The following SMARCB1 variants were observed in gnomAD, a reference collection of about 807,000 sequenced individuals.
The protein encoded by SMARCB1 is SWI/SNF related BAF chromatin remodeling complex subunit B1.
In SMARCB1, 5 loss-of-function variants were observed where a neutral mutation model predicts 49.0. The ratio of observed to expected loss-of-function variants is 0.10; its 90% CI spans 0.05 to 0.21. The LOEUF is 0.21. SMARCB1 is among the 10% of genes least tolerant of loss of function. The pLI is 1.00. For missense variants in SMARCB1, 226 were observed against 509.2 expected (o/e 0.44, Z 5.35); for synonymous variants, 201 against 200.1 (o/e 1.00, Z -0.04).
At chr22:23,831,591 T>C (rs1448251478) in intron 7 of SMARCB1, among the ~76,000 whole-genome samples, 2 of 152,172 alleles carry the variant, frequency 1.3e-5, no homozygotes, top group Non-Finnish European at 2.9e-5. Flanking sequence ...CGTTCTTACA[T>C]GGTTGGTGCG....
At chr22:23,822,769 G>A (rs1374766566) in intron 6 of SMARCB1, among the ~76,000 whole-genome samples, 1 of 151,816 alleles carries the variant, frequency 6.6e-6, no homozygotes, top group Non-Finnish European at 1.5e-5. Flanking sequence ...CCACATTCCT[G>A]CTCCCTGGGC....
At chr22:23,801,111 G>A (rs765693551) in intron 4 of SMARCB1, 30 bp downstream of exon 4, 41 of 1,614,008 alleles carry the variant, frequency 2.5e-5, no homozygotes, top group Middle Eastern at 1.6e-4. Flanking sequence ...CTCACCCTCC[G>A]TGCTGATTCC....
intron 5 of SMARCB1, among the ~76,000 whole-genome samples, chr22:23,805,265 G>A (rs989913117): frequency 2.6e-5 from 4 of 152,164 alleles, no homozygotes; most frequent in African/African-American, 9.7e-5. Flanking sequence ...GAGGACACTG[G>A]CAAGAGACTC....
Position 23,787,010 on chromosome 22 carries a change from G to C in SMARCB1, c.-160G>C. 2 of 502,630 alleles carry C rather than the reference G, an allele frequency of 4.0e-6. No homozygotes were observed. The highest frequency in any genetic ancestry group is 5.3e-5 in the South Asian group (2 of 37,660). 31.1% of individuals were successfully genotyped at this position (502,630 alleles called of 1,614,324 possible). ...GGGCGGCCTGGTCGTCGTCTGCGGC[G>C]GCGGCGGCGGCTGAGGAGCCCGGCT... On this transcript the variant is annotated 5_prime_UTR_variant, in exon 1 of 9. Transcript: ENST00000644036.
intron 2 of SMARCB1, chr22:23,793,215 T>A: frequency 5.3e-6 from 2 of 379,474 alleles, no homozygotes; most frequent in South Asian, 4.5e-5. Flanking sequence ...TTCCCCTGAG[T>A]GAGGACCAAG....
Position 23,834,468 on chromosome 22 carries a change from A to G in SMARCB1, c.*288A>G. Reference sequence around the variant, plus strand: ...TTGTATAGGAGCCCCAGGCAGGGCTAGTAACAGTTTTTAAATAAAAGGCAA... The same window carrying G: ...TTGTATAGGAGCCCCAGGCAGGGCTGGTAACAGTTTTTAAATAAAAGGCAA... On this transcript the variant is annotated 3_prime_UTR_variant, in exon 9 of 9. Transcript: ENST00000644036. 1 of 671,200 alleles carries G rather than the reference A, an allele frequency of 1.5e-6. No homozygotes were observed. The highest frequency in any genetic ancestry group is 1.5e-5 in the South Asian group (1 of 66,512). 41.6% of individuals were successfully genotyped at this position (671,200 alleles called of 1,614,324 possible). A position where few individuals can be genotyped will look rare whatever the true frequency, so the allele number is the denominator to read the frequency against.
intron 5 of SMARCB1, chr22:23,804,094 C>T (rs1929344960): frequency 6.6e-6 from 1 of 151,864 alleles, no homozygotes; most frequent in Non-Finnish European, 1.5e-5. Context: ...TTTTTTAGAT[C>T]TTGTTGCATA....
intron 6 of SMARCB1, 66 bp from the exon 7 acceptor site, chr22:23,825,159 C>T: frequency 7.1e-7 from 1 of 1,417,144 alleles, no homozygotes; most frequent in Non-Finnish European, 1.0e-6. Flanking sequence ...CCTGGCAGGG[C>T]CCCGCTCCTC....
chr22:23,798,521 T>G (rs1928916388), intron 3 of SMARCB1, among the ~76,000 whole-genome samples: 1 of 152,210 alleles, frequency 6.6e-6, no homozygotes, highest in African/African-American at 2.4e-5. Context: ...CTGCCCAAGC[T>G]GATTCCATGT....
chr22:23,802,520 A>C (rs1929232135), intron 4 of SMARCB1: 1 of 147,552 alleles, frequency 6.8e-6, no homozygotes, highest in Non-Finnish European at 1.5e-5. Flanking sequence ...TAGAGTGGCC[A>C]CCCCTTTTCT....
At position 23,837,148 on chromosome 22, in the gene SMARCB1, G is replaced by A. The variant is rs752419047; in HGVS notation, c.*2968G>A. On this transcript the variant is annotated 3_prime_UTR_variant, in exon 9 of 9. Transcript: ENST00000644036. ...CAGGAAGTAGTAGATATGGCCCACC[G>A]CAATCCCTGTGAGACAGCCACGGAC... 9 of 1,613,674 alleles carry A rather than the reference G, an allele frequency of 5.6e-6. No homozygotes were observed. The highest frequency in any genetic ancestry group is 5.3e-5 in the African/African-American group (4 of 74,910).
intron 5 of SMARCB1, among the ~76,000 whole-genome samples, chr22:23,813,923 G>T (rs1006325472): frequency 6.6e-6 from 1 of 152,110 alleles, no homozygotes; most frequent in Non-Finnish European, 1.5e-5. Context: ...TCCACCTTCC[G>T]GTTTCAAGCG....
In SMARCB1 at chr22:23,835,273, G is replaced by A; in HGVS notation, c.*1093G>A. The stretch of plus-strand genomic sequence containing the variant: ...ATTCTTCAGAATGGACACAGGATCT[G>A]GGAGGGCAGCAAACTGGCTCGCAGC... On this transcript the variant is annotated 3_prime_UTR_variant, in exon 9 of 9. Transcript: ENST00000644036. The A allele has an allele frequency of 1.8e-6, 2 of 1,089,194 alleles. No individual in the cohort carries two copies. The highest frequency in any genetic ancestry group is 2.2e-6 in the Non-Finnish European group (2 of 897,070). 67.5% of individuals were successfully genotyped at this position (1,089,194 alleles called of 1,614,324 possible).
chr22:23,837,008 A>G lies in SMARCB1; in HGVS notation c.*2828A>G. 1 of 1,602,070 alleles carries G rather than the reference A, an allele frequency of 6.2e-7. No individual in the cohort carries two copies. Among genetic ancestry groups the G allele is most frequent in the Non-Finnish European group, 8.5e-7 (1 of 1,173,018 alleles). The stretch of plus-strand genomic sequence containing the variant: ...TGAGCACAGGCCAGCACAGGTCCCC[A>G]TCGGTGGGGATCCTTCTGAGGGTGG... On this transcript the variant is annotated 3_prime_UTR_variant, in exon 9 of 9. Transcript: ENST00000644036.
chr22:23,799,702 T>TTTTTTTTTTTTTTTTG (rs1929020255), intron 3 of SMARCB1, among the ~76,000 whole-genome samples: 2 of 86,936 alleles, frequency 2.3e-5, no homozygotes, highest in African/African-American at 3.7e-5. Flanking sequence ...TTTTTTTTTT[T>TTTTTTTTTTTTTTTTG]GAGACGGAGT....
chr22:23,835,050 C>G lies in SMARCB1; in HGVS notation c.*870C>G. 4 of 1,403,526 alleles carry G rather than the reference C, an allele frequency of 2.8e-6. No homozygotes were observed. The highest frequency in any genetic ancestry group is 3.7e-6 in the Non-Finnish European group (4 of 1,081,190). 86.9% of individuals were successfully genotyped at this position (1,403,526 alleles called of 1,614,324 possible). ...GGTCAGCTGGGGCCCTTTCCCACCC[C>G]AGCAGGTGCTGTGGCCTGGGCCAGC... On this transcript the variant is annotated 3_prime_UTR_variant, in exon 9 of 9. Coordinates refer to ENST00000644036, the MANE Select transcript of SMARCB1 (RefSeq NM_003073.5).
intron 4 of SMARCB1, 105 bp downstream of exon 4, chr22:23,801,186 G>C (rs746239402): frequency 6.9e-5 from 105 of 1,532,238 alleles, no homozygotes; most frequent in Admixed American, 3.5e-5. Flanking sequence ...TTGACCTTGT[G>C]CTCCCCACAA....
chr22:23,796,909 C>A (rs1370864302), intron 3 of SMARCB1, among the ~76,000 whole-genome samples: 5 of 152,144 alleles, frequency 3.3e-5, no homozygotes, highest in Non-Finnish European at 5.9e-5. Flanking sequence ...ACTTATGGCA[C>A]CCTCCCCATC....
In SMARCB1 at chr22:23,836,945, G is replaced by A. The variant is rs1128127; in HGVS notation, c.*2765G>A. The A allele has an allele frequency of 0.15, 236,768 of 1,584,594 alleles. 23,167 individuals are homozygous for A. Among genetic ancestry groups the A allele is most frequent in the African/African-American group, 0.47 (34,428 of 73,856 alleles). On this transcript the variant is annotated 3_prime_UTR_variant, in exon 9 of 9. Coordinates refer to ENST00000644036, the MANE Select transcript of SMARCB1 (RefSeq NM_003073.5). ...CAGGTAATTGGGGTCTTCTGCAGGG[G>A]CATCCAGGAGCAGCTTTCTGTGGGG...
Sources: allele counts gnomAD v4.1 joint callset (sites outside exome capture counted in the v4.1 genomes callset), GRCh38; gene constraint gnomAD v4.1.1; transcripts MANE v1.5; gene names NCBI Gene and HGNC (gene_info 2026-07-23, HGNC 2026-07-21).